Variants in PLEKHA1 observed in about 807,000 individuals in gnomAD.
PLEKHA1 encodes the protein pleckstrin homology domain containing A1.
Under a neutral mutation model 52.0 loss-of-function variants are expected in PLEKHA1, and 34 were observed. That is an observed-to-expected ratio of 0.65 (90% CI 0.50 to 0.87). The LOEUF is 0.87. Among genes scored for constraint, PLEKHA1 ranks in the 40% least tolerant of loss-of-function variants. The pLI, the probability that PLEKHA1 is intolerant of heterozygous loss-of-function variation, is 0.00. For synonymous variants in PLEKHA1, 163 were observed against 170.7 expected (o/e 0.95, Z 0.35); for missense variants, 497 against 504.2 (o/e 0.99, Z 0.14).
At chr10:122,401,318 G>C (rs938252389) in intron 4 of PLEKHA1, among the ~76,000 whole-genome samples, 5 of 152,114 alleles carry the variant, frequency 3.3e-5, no homozygotes, top group Non-Finnish European at 7.4e-5. Flanking sequence ...GTGAAGGAGG[G>C]TTTTGTTTGT....
intron 3 of PLEKHA1, 42 bp from the exon 4 acceptor site, chr10:122,400,301 T>C: frequency 6.4e-7 from 1 of 1,555,966 alleles, no homozygotes; most frequent in South Asian, 1.2e-5. Context: ...GTTTTAGGAT[T>C]ATATGGAGAA....
At position 122,393,118 on chromosome 10, in the gene PLEKHA1, C is replaced by T; in HGVS notation, c.-20-63C>T. 7.5e-7 allele frequency: 1 copy of T among 1,335,496 alleles called. No homozygotes were observed. Among genetic ancestry groups the T allele is most frequent in the Non-Finnish European group, 1.0e-6 (1 of 992,360 alleles). The allele number at this position is 1,335,496 out of a possible 1,614,324, so 82.7% of individuals were successfully genotyped here. On this transcript the variant is annotated intron_variant, in intron 1 of 11. Transcript: ENST00000368990. The surrounding 1 kb of genome is among the most constrained non-coding windows in gnomAD (Gnocchi z 4.5). ...GTTGCCCCCTCATTGAACAGATTTG[C>T]AGTCCATGAGAAATACTTTCCTGTT...
chr10:122,429,494 T>TTGTG (rs35620141), intron 11 of PLEKHA1, 130 bp from the exon 12 acceptor site: 10,575 of 654,558 alleles, frequency 0.016, 28 homozygotes, highest in Non-Finnish European at 0.016. Context: ...GCTGCTGCCT[T>TTGTG]TGTGTGTGTG....
intron 8 of PLEKHA1, chr10:122,421,083 T>C (rs1238008084): frequency 6.6e-6 from 1 of 152,182 alleles, no homozygotes; most frequent in Non-Finnish European, 1.5e-5. Flanking sequence ...AAATAGGTAT[T>C]AAGTGTTGTA....
chr10:122,393,041 C>A lies in PLEKHA1; in HGVS notation c.-20-140C>A. 1 of 549,744 alleles carries A rather than the reference C, an allele frequency of 1.8e-6. No individual in the cohort carries two copies. Among genetic ancestry groups the A allele is most frequent in the Non-Finnish European group, 3.0e-6 (1 of 330,184 alleles). The allele number at this position is 549,744 out of a possible 1,614,324, so 34.1% of individuals were successfully genotyped here. A position where few individuals can be genotyped will look rare whatever the true frequency, so the allele number is the denominator to read the frequency against. ...ATTTCAAAAGTGATTTTTGTCAATG[C>A]CTCAGATGTTGGTGTGTGTTCATTT... On this transcript the variant is annotated intron_variant, in intron 1 of 11. Transcript: ENST00000368990. This position sits in a 1 kb window ranked among gnomAD's most constrained non-coding sequence, Gnocchi z 4.5.
chr10:122,411,181 CT>C (rs900283095), intron 5 of PLEKHA1, among the ~76,000 whole-genome samples: 12 of 152,146 alleles, frequency 7.9e-5, no homozygotes, highest in Admixed American at 2.6e-4. Flanking sequence ...TTTTCTCTCT[CT>C]TTTGTTTCTG....
Position 122,426,936 on chromosome 10 carries a change from C to T in PLEKHA1, c.811-6C>T. ...AATTGTTTGAATGAGTTCTTTTTTC[C>T]TTTAGGCTGATAGCCCTGAAGAGAT... On this transcript the variant is annotated splice_region_variant and splice_polypyrimidine_tract_variant and intron_variant, in intron 10 of 11. Coordinates refer to ENST00000368990, the MANE Select transcript of PLEKHA1 (RefSeq NM_001001974.4). The T allele has an allele frequency of 1.2e-6, 2 of 1,609,558 alleles. No homozygotes were observed. Among genetic ancestry groups the T allele is most frequent in the Non-Finnish European group, 1.7e-6 (2 of 1,177,356 alleles).
chr10:122,429,710 C>T lies in PLEKHA1; in HGVS notation c.987C>T (p.Arg329=), dbSNP rs776939699. 2 of 1,614,156 alleles carry T rather than the reference C, an allele frequency of 1.2e-6. No individual in the cohort carries two copies. The highest frequency in any genetic ancestry group is 1.7e-6 in the Non-Finnish European group (2 of 1,180,034). The part of the protein sequence containing the change: ...ATATSHSTAS[R]SNSLVSTFTM... ...CCACCTCACATTCCACAGCCTCTCG[C>T]AGCAACTCTTTGGTCTCAACCTTTA... Residue 329 remains arginine, a synonymous_variant, in exon 12 of 12, where the codon CGC becomes CGT. Coordinates refer to ENST00000368990, the MANE Select transcript of PLEKHA1 (RefSeq NM_001001974.4).
chr10:122,424,279 G>T lies in PLEKHA1; in HGVS notation c.746+16G>T. On this transcript the variant is annotated intron_variant, in intron 9 of 11. Coordinates refer to ENST00000368990, the MANE Select transcript of PLEKHA1 (RefSeq NM_001001974.4). Reference sequence around the variant, plus strand: ...GTAAGCAAAGGTAAGGAACCGCTCTGACTTGATGCCTGGCACAAGTTATAA... The same window carrying T: ...GTAAGCAAAGGTAAGGAACCGCTCTTACTTGATGCCTGGCACAAGTTATAA... The T allele has an allele frequency of 1.9e-6, 3 of 1,581,296 alleles. No homozygotes were observed. Among genetic ancestry groups the T allele is most frequent in the South Asian group, 1.2e-5 (1 of 84,580 alleles).
chr10:122,405,694 A>G (rs1395324737), intron 4 of PLEKHA1, among the ~76,000 whole-genome samples: 3 of 152,028 alleles, frequency 2.0e-5, no homozygotes, highest in Admixed American at 6.6e-5. Context: ...AATTAGACGC[A>G]TGAAGCAACT....
downstream of PLEKHA1, chr10:122,434,075 C>T (rs1373954041): frequency 6.6e-6 from 1 of 152,096 alleles, no homozygotes; most frequent in Non-Finnish European, 1.5e-5. Context: ...TGTCCAGGAG[C>T]CTGCTTCCTT....
At chr10:122,388,607 T>C (rs2096733369) in intron 1 of PLEKHA1, among the ~76,000 whole-genome samples, 1 of 152,250 alleles carries the variant, frequency 6.6e-6, no homozygotes, top group African/African-American at 2.4e-5. Flanking sequence ...ATAAAAACTA[T>C]GTTTACACTA....
At chr10:122,377,815 T>C (rs2096558998) in intron 1 of PLEKHA1, among the ~76,000 whole-genome samples, 1 of 152,228 alleles carries the variant, frequency 6.6e-6, no homozygotes, top group Non-Finnish European at 1.5e-5. Context: ...TGCTATTTAT[T>C]TTAGTAAGCC....
intron 6 of PLEKHA1, among the ~76,000 whole-genome samples, chr10:122,415,501 A>G (rs2097161547): frequency 6.6e-6 from 1 of 152,236 alleles, no homozygotes; most frequent in Non-Finnish European, 1.5e-5. Context: ...TTGTTTTTTG[A>G]TAATGTTACG....
chr10:122,387,279 TAA>T (rs2096713145), intron 1 of PLEKHA1: 1 of 152,206 alleles, frequency 6.6e-6, no homozygotes, highest in South Asian at 2.1e-4. Flanking sequence ...AAAAATATCT[TAA>T]GACTATAAAT....
At chr10:122,398,561 C>A (rs2134176722) in intron 3 of PLEKHA1, among the ~76,000 whole-genome samples, 1 of 150,426 alleles carries the variant, frequency 6.6e-6, no homozygotes, top group South Asian at 2.1e-4. Context: ...GTTTAGGGAA[C>A]TAAGTGATGC....
chr10:122,411,812 A>G (rs1255413132), intron 5 of PLEKHA1: 2 of 151,398 alleles, frequency 1.3e-5, no homozygotes, highest in Non-Finnish European at 2.9e-5. Context: ...AACAGGAATT[A>G]GCTATATGAC....
At chr10:122,395,266 A>G (rs990864243) in intron 2 of PLEKHA1, among the ~76,000 whole-genome samples, 1 of 152,052 alleles carries the variant, frequency 6.6e-6, no homozygotes, top group African/African-American at 2.4e-5. Context: ...TTCTGGACAC[A>G]GTGCCAGTTT....
At chr10:122,417,662 A>C (rs976928960) in intron 7 of PLEKHA1, among the ~76,000 whole-genome samples, 6 of 151,628 alleles carry the variant, frequency 4.0e-5, no homozygotes, top group South Asian at 2.1e-4. Context: ...AAAAAAAAAA[A>C]ACACATAAAA....
Sources: gnomAD v4.1 joint callset for allele counts (sites outside exome capture counted in the v4.1 genomes callset) on GRCh38, gnomAD v4.1.1 for gene constraint, Gnocchi (gnomAD v3.1) non-coding constraint, MANE v1.5 for transcripts, NCBI Gene and HGNC (gene_info 2026-07-23, HGNC 2026-07-21) for gene names.